Variants in PSIP1 observed in about 807,000 individuals in gnomAD.
PSIP1 encodes the protein PC4 and SFRS1-interacting protein.
A neutral mutation model predicts 74.7 loss-of-function variants in PSIP1; 19 were observed. The observed-to-expected ratio is 0.25, with a 90% CI of 0.18 to 0.37. The LOEUF (loss-of-function observed/expected upper bound fraction) is 0.37, where lower values mean the gene tolerates loss of function less well. Among genes scored for constraint, PSIP1 ranks in the 10% least tolerant of loss-of-function variants. The probability of loss-of-function intolerance (pLI) is 1.00; values close to 1 mark genes in which losing one functional copy is unlikely to be tolerated. For missense variants in PSIP1, 601 were observed against 614.3 expected, an observed-to-expected ratio of 0.98 and a Z score of 0.23; for synonymous variants, 222 against 195.3, an observed-to-expected ratio of 1.14 and a Z score of -1.14.
At chr9:15,484,090 C>G (rs868845962) in intron 6 of PSIP1, among the ~76,000 whole-genome samples, 4 of 149,632 alleles carry the variant, frequency 2.7e-5, no homozygotes, top group Non-Finnish European at 5.9e-5. Flanking sequence ...TAAGATCATG[C>G]CACTGCACTC....
intron 12 of PSIP1, 56 bp from the exon 13 acceptor site, chr9:15,469,114 C>T: frequency 3.3e-6 from 5 of 1,516,742 alleles, no homozygotes; most frequent in Non-Finnish European, 4.5e-6. Context: ...CTTAAACAAT[C>T]TGTTTCTAAA....
At chr9:15,488,792 C>A (rs138756607) in intron 4 of PSIP1, among the ~76,000 whole-genome samples, 5 of 151,256 alleles carry the variant, frequency 3.3e-5, no homozygotes, top group South Asian at 2.1e-4. Context: ...GGGGCCGAGG[C>A]GGGCGGATCA....
chr9:15,478,361 A>T (rs370658883), intron 8 of PSIP1, 116 bp downstream of exon 8: 11 of 882,674 alleles, frequency 1.2e-5, no homozygotes, highest in Admixed American at 2.5e-5. Context: ...TTTAAGAAAG[A>T]TCAAAATAAT....
At chr9:15,471,518 A>G (rs1372998720) in intron 10 of PSIP1, 4 of 976,550 alleles carry the variant, frequency 4.1e-6, no homozygotes, top group Admixed American at 6.2e-5. Flanking sequence ...CAAAAGCAAC[A>G]AACAGTCCAA....
chr9:15,470,634 GGTTT>G (rs928648936), intron 10 of PSIP1: 9 of 946,234 alleles, frequency 9.5e-6, no homozygotes, highest in African/African-American at 7.2e-5. Flanking sequence ...CTAAAAATCA[GGTTT>G]TTTTTTTAAA....
intron 3 of PSIP1, chr9:15,505,665 T>C (rs2037554434): frequency 6.8e-6 from 1 of 146,982 alleles, no homozygotes; most frequent in Non-Finnish European, 1.5e-5. Context: ...TACTAAAATC[T>C]ACTAAATATA....
intron 10 of PSIP1, chr9:15,471,067 A>T: frequency 6.7e-7 from 1 of 1,489,590 alleles, no homozygotes; most frequent in Non-Finnish European, 8.9e-7. Context: ...AATCTGGAAC[A>T]TTCTTCCATC....
rs1467119906 is a variant in PSIP1 at position 15,478,671 on chromosome 9, T to C, written c.554-119A>G. On this transcript the variant is annotated intron_variant, in intron 7 of 15. Coordinates refer to ENST00000380733, the MANE Select transcript of PSIP1 (RefSeq NM_033222.5). ...AAGAATATTAGTAGCTTATTACAGA[T>C]ACAATTATTGCTAAATTGAAAAAAT... 9 of 652,640 alleles carry C rather than the reference T, an allele frequency of 1.4e-5. No individual in the cohort carries two copies. In the East Asian group the frequency reaches 2.7e-4, roughly 20 times the overall value. 40.4% of individuals were successfully genotyped at this position (652,640 alleles called of 1,614,324 possible).
intron 3 of PSIP1, chr9:15,505,493 C>T (rs1392906882): frequency 2.6e-5 from 4 of 152,104 alleles, no homozygotes; most frequent in Non-Finnish European, 2.9e-5. Context: ...CAAACCAATT[C>T]TGGATCCAAA....
At chr9:15,484,303 A>AT (rs552162974) in intron 6 of PSIP1, among the ~76,000 whole-genome samples, 1,511 of 150,902 alleles carry the variant, frequency 0.01, 16 homozygotes, top group African/African-American at 0.032. Context: ...CAAAAAAAAA[A>AT]ATATATATAT....
chr9:15,506,670 T>A, intron 2 of PSIP1, 33 bp from the exon 3 acceptor site: 1 of 1,457,708 alleles, frequency 6.9e-7, no homozygotes, highest in Non-Finnish European at 9.6e-7. Context: ...TAAAATATTT[T>A]AAATCATACA....
rs2037598795 is a variant in PSIP1 at position 15,506,602 on chromosome 9, G to A, written c.108C>T (p.Pro36=). 6.2e-7 allele frequency: 1 copy of A among 1,613,012 alleles called. No homozygotes were observed. Among genetic ancestry groups the A allele is most frequent in the Non-Finnish European group, 8.5e-7 (1 of 1,179,234 alleles). Residue 36 remains proline (P), a synonymous_variant, in exon 3 of 16, where the codon CCC becomes CCT. Transcript: ENST00000380733. ...AAAAGAAAATGGGTAGTTTGTTTGT[G>A]GGTGGCTTTACAGCTCCATCAGGAA... ...DEVPDGAVKP[P]TNKLPIFFFG...
At chr9:15,471,754 A>C (rs1226759221) in intron 10 of PSIP1, 4 of 961,040 alleles carry the variant, frequency 4.2e-6, no homozygotes, top group South Asian at 9.6e-5. Flanking sequence ...GCTTACGGAT[A>C]TATTATATAA....
At chr9:15,471,557 A>G (rs2035832192) in intron 10 of PSIP1, 1 of 968,600 alleles carries the variant, frequency 1.0e-6, no homozygotes, top group Non-Finnish European at 1.2e-6. Context: ...ATAGAATAGA[A>G]AATGATAGGT....
intron 10 of PSIP1, chr9:15,470,847 A>G (rs1042858751): frequency 7.6e-6 from 8 of 1,048,552 alleles, no homozygotes; most frequent in South Asian, 4.6e-5. Context: ...ATGAATTTTT[A>G]TATTTTCTAG....
intron 6 of PSIP1, among the ~76,000 whole-genome samples, chr9:15,484,490 C>T (rs992327819): frequency 6.6e-6 from 1 of 150,578 alleles, no homozygotes; most frequent in Admixed American, 6.6e-5. Flanking sequence ...TTTGGGAGGC[C>T]GAGGTGGGTG....
intron 2 of PSIP1, among the ~76,000 whole-genome samples, chr9:15,509,469 T>C (rs1429867190): frequency 6.6e-6 from 1 of 152,212 alleles, no homozygotes; most frequent in Non-Finnish European, 1.5e-5. Context: ...GGTCCACACC[T>C]CCTTTTTGCC....
In PSIP1 at chr9:15,486,894, T is replaced by A. The variant is rs752840326; in HGVS notation, c.326A>T (p.Glu109Val). 1 of 1,612,282 alleles carries A rather than the reference T, an allele frequency of 6.2e-7. No individual in the cohort carries two copies. The highest frequency in any genetic ancestry group is 2.2e-5 in the East Asian group (1 of 44,766). The change falls in exon 5 of 16, where the codon GAA becomes GTA. Residue 109 changes from glutamate (E) to valine (V), a missense_variant. Physicochemically the swap from Glu to Val is moderately radical, Grantham distance 121. Around this residue, in one of 2 missense-constraint regions of PSIP1, gnomAD observed 538 missense variants for 507.6 expected, o/e 1.06. Coordinates refer to ENST00000380733, the MANE Select transcript of PSIP1 (RefSeq NM_033222.5). ...TKQSNASSDV[E>V]VEEKETSVSK... ...AACACTAGTTTCCTTTTCTTCAACT[T>A]CAACATCAGATGATGCATTTGATTG...
intron 3 of PSIP1, among the ~76,000 whole-genome samples, chr9:15,493,543 A>G (rs1451035069): frequency 6.6e-6 from 1 of 152,142 alleles, no homozygotes; most frequent in Non-Finnish European, 1.5e-5. Flanking sequence ...TCTGGTACCA[A>G]TTTACCATAT....
Sources: allele counts gnomAD v4.1 joint callset (sites outside exome capture counted in the v4.1 genomes callset), GRCh38; gene constraint gnomAD v4.1.1; regional missense constraint gnomAD v4.1.1; transcripts MANE v1.5; gene names NCBI Gene and HGNC (gene_info 2026-07-23, HGNC 2026-07-21).